Variants in GLCCI1 observed in about 807,000 individuals in gnomAD.
The protein encoded by GLCCI1 is glucocorticoid induced 1.
GLCCI1 carries 24 observed loss-of-function variants against 52.2 expected under a neutral mutation model. The observed-to-expected ratio is 0.46, with a 90% CI of 0.33 to 0.65. The LOEUF (loss-of-function observed/expected upper bound fraction) is 0.65. Among genes scored for constraint, GLCCI1 ranks in the 30% least tolerant of loss-of-function variants. GLCCI1 has a pLI of 0.02. For synonymous variants in GLCCI1, 310 were observed against 276.5 expected (o/e 1.12, Z -1.20); for missense variants, 704 against 701.5 (o/e 1.00, Z -0.04).
At chr7:7,995,927 C>T (rs1421822614) in intron 1 of GLCCI1, among the ~76,000 whole-genome samples, 13 of 151,408 alleles carry the variant, frequency 8.6e-5, no homozygotes, top group African/African-American at 3.2e-4. Context: ...ATTTTAAGTT[C>T]AATTAAAAAA....
Position 8,020,128 on chromosome 7 carries a change from CTA to C in GLCCI1, c.610-2353_610-2352del, listed in dbSNP as rs201510757. On this transcript the variant is annotated intron_variant, in intron 2 of 7. Coordinates refer to ENST00000223145, the MANE Select transcript of GLCCI1 (RefSeq NM_138426.4). The stretch of plus-strand genomic sequence containing the variant: ...AAACATATTTTACAACCATAACAAA[CTA>C]TTCTTATTCTGTAAGCTTTTATTTA... Among the ~76,000 whole-genome samples the C allele has an allele frequency of 8.5e-4, 130 of 152,180 alleles. 2 individuals carry two copies. In the East Asian group the frequency reaches 0.024, roughly 28 times the overall value.
chr7:8,004,304 G>A (rs370248649), intron 2 of GLCCI1: 21 of 298,342 alleles, frequency 7.0e-5, no homozygotes, highest in African/African-American at 3.2e-4. Flanking sequence ...TTGTAGACAC[G>A]TTGTAATTTT....
At chr7:8,053,497 AT>A (rs35685744) in intron 3 of GLCCI1, among the ~76,000 whole-genome samples, 3,902 of 111,958 alleles carry the variant, frequency 0.035, 89 homozygotes, top group East Asian at 0.14. Flanking sequence ...TAATTTTTGT[AT>A]TTTTTTTTTT....
chr7:8,001,599 C>G lies in GLCCI1; in HGVS notation c.458-2309C>G, dbSNP rs112622036. On this transcript the variant is annotated intron_variant, in intron 1 of 7. Coordinates refer to ENST00000223145, the MANE Select transcript of GLCCI1 (RefSeq NM_138426.4). ...ACCATTTGACCCAGCGATCCCATTACTGGGTGTATACCCAAAGGATTATAA... is the reference window on the plus strand; with the variant it reads ...ACCATTTGACCCAGCGATCCCATTAGTGGGTGTATACCCAAAGGATTATAA... Among the ~76,000 whole-genome samples, 39 of 152,336 alleles carry G rather than the reference C, an allele frequency of 2.6e-4. 1 individual carries two copies. The highest frequency in any genetic ancestry group is 5.8e-4 in the African/African-American group (24 of 41,586).
intron 5 of GLCCI1, among the ~76,000 whole-genome samples, chr7:8,069,736 C>T (rs1472883712): frequency 6.6e-6 from 1 of 152,198 alleles, no homozygotes; most frequent in Admixed American, 6.5e-5. Context: ...TCGGCCTTCA[C>T]TTGTTTGGTA....
intron 3 of GLCCI1, among the ~76,000 whole-genome samples, chr7:8,025,911 A>G (rs1781609888): frequency 6.6e-6 from 1 of 152,230 alleles, no homozygotes; most frequent in African/African-American, 2.4e-5. Context: ...CCCAGATAAA[A>G]CTTGAGAGAA....
chr7:8,055,588 T>G (rs1281458305), intron 4 of GLCCI1, 39 bp downstream of exon 4: 11 of 1,191,870 alleles, frequency 9.2e-6, no homozygotes, highest in Non-Finnish European at 1.4e-5. Flanking sequence ...TAATTACTTT[T>G]AGTTCATTAA....
At chr7:8,031,712 T>C (rs554159669) in intron 3 of GLCCI1, among the ~76,000 whole-genome samples, 1 of 151,228 alleles carries the variant, frequency 6.6e-6, no homozygotes, top group Admixed American at 6.6e-5. Flanking sequence ...TTTTTTTAAA[T>C]AAATATTTTT....
Position 7,969,394 on chromosome 7 carries a change from C to G in GLCCI1, c.44C>G (p.Thr15Ser). 7.0e-7 allele frequency: 1 copy of G among 1,438,646 alleles called. No individual in the cohort carries two copies. Among genetic ancestry groups the G allele is most frequent in the Non-Finnish European group, 9.1e-7 (1 of 1,093,634 alleles). 89.1% of individuals were successfully genotyped at this position (1,438,646 alleles called of 1,614,324 possible). A position where few individuals can be genotyped will look rare whatever the true frequency, so the allele number is the denominator to read the frequency against. The change falls in exon 1 of 8, where the codon ACC (threonine) becomes AGC (serine). Residue 15 changes from threonine (T) to serine (S), a missense_variant. Around this residue, in one of 3 missense-constraint regions of GLCCI1, gnomAD observed 547 missense variants for 524.8 expected, o/e 1.04. Transcript: ENST00000223145. This position sits in a 1 kb window ranked among gnomAD's most constrained non-coding sequence, Gnocchi z 4.9. ...TCCTCCTCCTCCAGTTCCTCTCAGA[C>G]CCCTCATCCCCCGTCGCAGAGGATG... is the stretch of plus-strand genomic sequence containing the variant. ...SSSSSSSSSQ[T>S]PHPPSQRMRR...
At chr7:8,074,717 A>G (rs760831377) in intron 6 of GLCCI1, among the ~76,000 whole-genome samples, 53 of 152,210 alleles carry the variant, frequency 3.5e-4, no homozygotes, top group Non-Finnish European at 6.8e-4. Context: ...CCTATAATGT[A>G]TGTTTTCTAC....
chr7:8,029,263 G>T (rs549839413), intron 3 of GLCCI1, among the ~76,000 whole-genome samples: 1 of 152,268 alleles, frequency 6.6e-6, no homozygotes, highest in Non-Finnish European at 1.5e-5. Context: ...TCCTGTCCAA[G>T]TGGGATTTAT....
intron 3 of GLCCI1, among the ~76,000 whole-genome samples, chr7:8,045,343 G>T (rs541603557): frequency 6.6e-6 from 1 of 152,202 alleles, no homozygotes; most frequent in African/African-American, 2.4e-5. Flanking sequence ...TTGGGATGTG[G>T]GAGGAAACCA....
intron 6 of GLCCI1, 37 bp downstream of exon 6, chr7:8,071,168 G>C: frequency 2.0e-6 from 3 of 1,532,670 alleles, no homozygotes; most frequent in Non-Finnish European, 2.7e-6. Context: ...GGTTTGTTAT[G>C]GGCCTTGCTC....
chr7:8,038,795 A>G (rs1192079331), intron 3 of GLCCI1, among the ~76,000 whole-genome samples: 1 of 152,202 alleles, frequency 6.6e-6, no homozygotes, highest in East Asian at 1.9e-4. Flanking sequence ...GCCTCTATGT[A>G]GCAAAATAAA....
At chr7:7,972,688 T>C (rs1780377272) in intron 1 of GLCCI1, among the ~76,000 whole-genome samples, 1 of 152,152 alleles carries the variant, frequency 6.6e-6, no homozygotes, top group African/African-American at 2.4e-5. Context: ...TAATAGAGAA[T>C]TGATATTCAG....
At chr7:8,035,621 T>C (rs1188191099) in intron 3 of GLCCI1, among the ~76,000 whole-genome samples, 1 of 152,150 alleles carries the variant, frequency 6.6e-6, no homozygotes, top group Non-Finnish European at 1.5e-5. Flanking sequence ...CAAAGATGTA[T>C]GTTTTAGGCT....
At chr7:7,995,327 G>A (rs1486692001) in intron 1 of GLCCI1, among the ~76,000 whole-genome samples, 1 of 152,070 alleles carries the variant, frequency 6.6e-6, no homozygotes, top group East Asian at 1.9e-4. Context: ...TGGGCAATAT[G>A]GCAAAACCCC....
chr7:7,977,908 T>A (rs949566720), intron 1 of GLCCI1, among the ~76,000 whole-genome samples: 3 of 152,186 alleles, frequency 2.0e-5, no homozygotes, highest in African/African-American at 7.2e-5. Context: ...GACTTCAAGA[T>A]AGCTGAAAGT....
intron 1 of GLCCI1, among the ~76,000 whole-genome samples, chr7:8,003,246 T>G (rs1781081195): frequency 6.6e-6 from 1 of 152,146 alleles, no homozygotes; most frequent in Admixed American, 6.6e-5. Context: ...AGGGAAACTT[T>G]CACAGAGGCA....
Sources: allele counts gnomAD v4.1 joint callset (sites outside exome capture counted in the v4.1 genomes callset), GRCh38; gene constraint gnomAD v4.1.1; regional missense constraint gnomAD v4.1.1; non-coding constraint Gnocchi (gnomAD v3.1); transcripts MANE v1.5; gene names NCBI Gene and HGNC (gene_info 2026-07-23, HGNC 2026-07-21).